ZFHX3: variants seen among roughly 807,000 people sequenced by gnomAD.
The protein encoded by ZFHX3 is zinc finger homeobox 3, also known as zinc finger homeobox protein 3.
ZFHX3 carries 42 observed loss-of-function variants against 279.1 expected under a neutral mutation model. That is an observed-to-expected ratio of 0.15 (90% CI 0.12 to 0.19). The LOEUF (loss-of-function observed/expected upper bound fraction) is 0.19. ZFHX3 is among the 10% of genes least tolerant of loss of function. The pLI, the probability that ZFHX3 is intolerant of heterozygous loss-of-function variation, is 1.00. For synonymous variants in ZFHX3, 2,293 were observed against 1,957.8 expected, an observed-to-expected ratio of 1.17 and a Z score of -4.52; for missense variants, 4,981 against 4,754.0, an observed-to-expected ratio of 1.05 and a Z score of -1.40.
At chr16:73,309,906 C>CCTT (rs769392456) in intron 4 of ZFHX3, among the ~76,000 whole-genome samples, 1 of 114,406 alleles carries the variant, frequency 8.7e-6, no homozygotes, top group Non-Finnish European at 1.8e-5. Context: ...TTTTTCTTGC[C>CCTT]TTTTTTTTTT....
chr16:73,091,117 A>G (rs1966074705), intron 8 of ZFHX3, among the ~76,000 whole-genome samples: 1 of 151,676 alleles, frequency 6.6e-6, no homozygotes, highest in African/African-American at 2.4e-5. Flanking sequence ...AGGCTGAGGC[A>G]AAAGAATGGC....
At position 73,480,989 on chromosome 16, in the gene ZFHX3, C is replaced by T. The variant is rs370399803; in HGVS notation, c.-1546-24731G>A. On this transcript the variant is annotated intron_variant, in intron 2 of 17. Transcript: ENST00000641206. The stretch of plus-strand genomic sequence containing the variant: ...CAAAGACACGTCAAGGACTCGGTCT[C>T]GGCAACTCTTCTCTGTGCTAGGTCT... Among the ~76,000 whole-genome samples the T allele has an allele frequency of 5.3e-5, 8 of 152,274 alleles. No homozygotes were observed. In the East Asian group the frequency reaches 7.7e-4, roughly 15 times the overall value.
At chr16:73,037,382 G>A (rs145082058) in intron 1 of ZFHX3, among the ~76,000 whole-genome samples, 25 of 152,274 alleles carry the variant, frequency 1.6e-4, no homozygotes, top group African/African-American at 5.8e-4. Context: ...AGTGACATAA[G>A]ATCCCACTGC....
At chr16:73,156,231 CA>C (rs60993308) in intron 5 of ZFHX3, among the ~76,000 whole-genome samples, 30,373 of 88,334 alleles carry the variant, frequency 0.34, 2,952 homozygotes, top group Admixed American at 0.48. Flanking sequence ...GACTCCCTCT[CA>C]AAAAAAAAAA....
At chr16:73,483,087 A>G (rs557187291) in intron 2 of ZFHX3, among the ~76,000 whole-genome samples, 1 of 152,224 alleles carries the variant, frequency 6.6e-6, no homozygotes, top group African/African-American at 2.4e-5. Flanking sequence ...TCAATGAACA[A>G]ACTTGAAAGT....
chr16:72,806,264 G>A (rs2036262064), intron 7 of ZFHX3, among the ~76,000 whole-genome samples: 1 of 152,170 alleles, frequency 6.6e-6, no homozygotes, highest in Non-Finnish European at 1.5e-5. Context: ...ATGTAGGCTG[G>A]AAACAAATGT....
At chr16:73,735,694 A>T (rs1314740548) in intron 1 of ZFHX3, among the ~76,000 whole-genome samples, 7 of 152,086 alleles carry the variant, frequency 4.6e-5, no homozygotes, top group Non-Finnish European at 7.4e-5. Context: ...CCCAAGTGTG[A>T]TGTTTCTGTT....
chr16:73,565,113 A>T (rs1460092349), intron 2 of ZFHX3, among the ~76,000 whole-genome samples: 2 of 152,140 alleles, frequency 1.3e-5, no homozygotes, highest in African/African-American at 2.4e-5. Context: ...ACGTAGCTGG[A>T]TGTGGTGGCA....
intron 1 of ZFHX3, among the ~76,000 whole-genome samples, chr16:73,707,305 G>A (rs1382480480): frequency 6.6e-6 from 1 of 152,028 alleles, no homozygotes. Flanking sequence ...TAGAAAACAG[G>A]CCTTCAGAAT....
At chr16:73,761,009 A>T (rs2386714) in intron 1 of ZFHX3, among the ~76,000 whole-genome samples, 1 of 144,784 alleles carries the variant, frequency 6.9e-6, no homozygotes, top group East Asian at 2.2e-4. Context: ...AAAAAAAAAA[A>T]AGGGTATTAA....
At chr16:73,067,874 C>T (rs1294944801) in intron 8 of ZFHX3, among the ~76,000 whole-genome samples, 1 of 152,160 alleles carries the variant, frequency 6.6e-6, no homozygotes, top group South Asian at 2.1e-4. Context: ...TTCCACGGAC[C>T]AAGGGCCCCT....
intron 8 of ZFHX3, among the ~76,000 whole-genome samples, chr16:73,066,435 T>G (rs1359172627): frequency 6.6e-6 from 1 of 152,124 alleles, no homozygotes; most frequent in Non-Finnish European, 1.5e-5. Flanking sequence ...ACCCTTTTTT[T>G]TCCTGCGGGC....
intron 3 of ZFHX3, among the ~76,000 whole-genome samples, chr16:72,892,509 GGT>G (rs1491486186): frequency 2.1e-5 from 3 of 143,344 alleles, no homozygotes; most frequent in East Asian, 2.1e-4. Context: ...TTTATTTATT[GGT>G]TTTTTTTTTT....
At chr16:73,796,990 T>C (rs550282695) in intron 1 of ZFHX3, among the ~76,000 whole-genome samples, 1 of 151,250 alleles carries the variant, frequency 6.6e-6, no homozygotes, top group South Asian at 2.1e-4. Flanking sequence ...TCACCAGAGG[T>C]CGGGAGTTCG....
At chr16:73,163,245 G>A (rs780859745) in intron 5 of ZFHX3, among the ~76,000 whole-genome samples, 2 of 152,216 alleles carry the variant, frequency 1.3e-5, no homozygotes, top group Non-Finnish European at 2.9e-5. Context: ...CAGGGATTCG[G>A]AGACCTGGGG....
intron 2 of ZFHX3, among the ~76,000 whole-genome samples, chr16:73,514,922 C>A (rs953003452): frequency 2.0e-5 from 3 of 152,298 alleles, no homozygotes; most frequent in African/African-American, 4.8e-5. Context: ...CTCTCTCCCC[C>A]ACATATGCGG....
At chr16:73,830,889 T>G (rs1960978686) in intron 1 of ZFHX3, among the ~76,000 whole-genome samples, 1 of 152,082 alleles carries the variant, frequency 6.6e-6, no homozygotes, top group South Asian at 2.1e-4. Context: ...CTCGAAGAAA[T>G]CAGTCACAGA....
chr16:73,105,341 G>GTATATA (rs59245170), intron 7 of ZFHX3, among the ~76,000 whole-genome samples: 5,697 of 109,558 alleles, frequency 0.052, 536 homozygotes, highest in African/African-American at 0.17. Flanking sequence ...ACACACGTGT[G>GTATATA]TATATATATA....
At chr16:73,235,043 G>A (rs1380251608) in intron 5 of ZFHX3, among the ~76,000 whole-genome samples, 1 of 152,178 alleles carries the variant, frequency 6.6e-6, no homozygotes. Context: ...TTTAAGCTGG[G>A]AAATGTTTAC....
Sources: gnomAD v4.1 joint callset for allele counts (sites outside exome capture counted in the v4.1 genomes callset) on GRCh38, gnomAD v4.1.1 for gene constraint, MANE v1.5 for transcripts, NCBI Gene and HGNC (gene_info 2026-07-23, HGNC 2026-07-21) for gene names.